SPTBN4: variants seen among roughly 807,000 people sequenced by gnomAD.
SPTBN4 encodes the protein spectrin beta chain, non-erythrocytic 4.
In SPTBN4, 96 loss-of-function variants were observed where a neutral mutation model predicts 277.8. The ratio of observed to expected loss-of-function variants is 0.35; its 90% CI spans 0.29 to 0.41. SPTBN4 has a LOEUF of 0.41. SPTBN4 is among the 10% of genes least tolerant of loss of function. SPTBN4 has a pLI of 1.00. For synonymous variants in SPTBN4, 1,481 were observed against 1,580.3 expected (o/e 0.94, Z 1.49); for missense variants, 3,006 against 3,595.7 (o/e 0.84, Z 4.19).
At chr19:40,536,068 A>G (rs764342196) in intron 20 of SPTBN4, among the ~76,000 whole-genome samples, 1 of 152,180 alleles carries the variant, frequency 6.6e-6, no homozygotes, top group Non-Finnish European at 1.5e-5. Context: ...TACTGCCTTC[A>G]CGGTGATCCC....
At chr19:40,493,424 G>C (rs1258618078) in intron 5 of SPTBN4, among the ~76,000 whole-genome samples, 1 of 152,144 alleles carries the variant, frequency 6.6e-6, no homozygotes, top group Non-Finnish European at 1.5e-5. Flanking sequence ...AGAACTCTTG[G>C]CCTCACTAGG....
At chr19:40,484,600 G>A (rs1312482237) in intron 2 of SPTBN4, among the ~76,000 whole-genome samples, 1 of 152,094 alleles carries the variant, frequency 6.6e-6, no homozygotes, top group African/African-American at 2.4e-5. Context: ...GAAGAAAGAG[G>A]AAGGCCAGGC....
chr19:40,529,033 A>G lies in SPTBN4; in HGVS notation c.3858-8A>G, dbSNP rs772432606. On this transcript the variant is annotated splice_region_variant and splice_polypyrimidine_tract_variant and intron_variant, in intron 17 of 35. Transcript: ENST00000598249. ...GCCTTTCCCCAGCCCTTATCTCCCC[A>G]TCCCCAGGAACCAAGAAAACCAGTT... 2.5e-6 allele frequency: 4 copies of G among 1,612,640 alleles called. No homozygotes were observed. The highest frequency in any genetic ancestry group is 2.2e-5 in the East Asian group (1 of 44,836).
chr19:40,489,025 A>T (rs903329168), intron 3 of SPTBN4, among the ~76,000 whole-genome samples: 5 of 151,486 alleles, frequency 3.3e-5, no homozygotes, highest in Non-Finnish European at 7.4e-5. Context: ...TTTCTACAAA[A>T]AATTTTTAAA....
At chr19:40,541,686 C>G (rs1443350164) in intron 20 of SPTBN4, among the ~76,000 whole-genome samples, 3 of 152,128 alleles carry the variant, frequency 2.0e-5, no homozygotes, top group Non-Finnish European at 4.4e-5. Context: ...GTCGCCATCT[C>G]TGTGTCTCTC....
At chr19:40,527,369 T>C (rs1358753254) in intron 17 of SPTBN4, among the ~76,000 whole-genome samples, 1 of 152,180 alleles carries the variant, frequency 6.6e-6, no homozygotes, top group Non-Finnish European at 1.5e-5. Flanking sequence ...TGCCAAGCCC[T>C]TTTTCTAAGC....
At chr19:40,482,079 G>A (rs2080018574) in intron 2 of SPTBN4, among the ~76,000 whole-genome samples, 1 of 151,928 alleles carries the variant, frequency 6.6e-6, no homozygotes, top group Non-Finnish European at 1.5e-5. Context: ...TGGGAATACA[G>A]GTGCCCGCCA....
intron 21 of SPTBN4, among the ~76,000 whole-genome samples, chr19:40,549,652 TC>T (rs757080561): frequency 5.9e-5 from 9 of 152,362 alleles, no homozygotes; most frequent in East Asian, 3.9e-4. Flanking sequence ...TGTTCTTTCC[TC>T]CACTCATTTA....
chr19:40,575,511 A>G lies in SPTBN4; in HGVS notation c.7637A>G (p.Asp2546Gly). 1 of 1,613,364 alleles carries G rather than the reference A, an allele frequency of 6.2e-7. No individual in the cohort carries two copies. Among genetic ancestry groups the G allele is most frequent in the Non-Finnish European group, 8.5e-7 (1 of 1,179,882 alleles). The change falls in exon 36 of 36, where the codon GAT becomes GGT. Residue 2546 changes from aspartate (D) to glycine (G), a missense_variant. Asp to Gly is a moderately conservative substitution (Grantham distance 94). Coordinates refer to ENST00000598249, the MANE Select transcript of SPTBN4 (RefSeq NM_020971.3). Reference sequence around the variant, plus strand: ...ACACTACCCACTACTTCATCCACAGATGAGGGCAACCCTAAGAGGGAAGGC... The same window carrying G: ...ACACTACCCACTACTTCATCCACAGGTGAGGGCAACCCTAAGAGGGAAGGC... ...GQTLPTTSST[D>G]EGNPKREGGD...
Position 40,513,030 on chromosome 19 carries a change from C to A in SPTBN4, c.2241C>A (p.Arg747=). 1.4e-6 allele frequency: 2 copies of A among 1,421,504 alleles called. No homozygotes were observed. Among genetic ancestry groups the A allele is most frequent in the Non-Finnish European group, 9.1e-7 (1 of 1,094,790 alleles). 88.1% of individuals were successfully genotyped at this position (1,421,504 alleles called of 1,614,324 possible). Residue 747 remains arginine (R), a synonymous_variant, in exon 14 of 36, where the codon CGC becomes CGA. Coordinates refer to ENST00000598249, the MANE Select transcript of SPTBN4 (RefSeq NM_020971.3). ...DTVHLVGLAE[R]AASARRRWQR... is the part of the protein sequence containing the mutation. The stretch of plus-strand genomic sequence containing the variant: ...TGCACCTGGTAGGCCTGGCGGAGCG[C>A]GCGGCGAGCGCCCGGCGCCGCTGGC...
rs192073793 is a variant in SPTBN4 at position 40,540,304 on chromosome 19, C to T, written c.4359+5961C>T. 2.0e-5 allele frequency among the ~76,000 whole-genome samples: 3 copies of T among 152,264 alleles called. No individual in the cohort carries two copies. The East Asian group carries it at 5.8e-4, about 29-fold the overall frequency. ...TGTTTTCAAAAGCTAGTTGTTTCAC[C>T]TTCCCTTTGGTTGTTACTTATGTGA... On this transcript the variant is annotated intron_variant, in intron 20 of 35. Coordinates refer to ENST00000598249, the MANE Select transcript of SPTBN4 (RefSeq NM_020971.3).
At chr19:40,562,529 C>CA (rs35366889) in intron 27 of SPTBN4, among the ~76,000 whole-genome samples, 10,309 of 55,500 alleles carry the variant, frequency 0.19, 843 homozygotes, top group Non-Finnish European at 0.22. Context: ...GACTCTGTGT[C>CA]AAAAAAAAAA....
intron 17 of SPTBN4, among the ~76,000 whole-genome samples, chr19:40,525,833 C>A (rs1425948840): frequency 6.6e-6 from 1 of 152,162 alleles, no homozygotes. Flanking sequence ...AGACGTGCAG[C>A]CGCTGTGGGA....
chr19:40,522,846 G>A (rs1372031419), intron 16 of SPTBN4, among the ~76,000 whole-genome samples: 2 of 151,872 alleles, frequency 1.3e-5, no homozygotes, highest in East Asian at 3.9e-4. Context: ...AATACAGGAG[G>A]GTTGGCTGGG....
intron 20 of SPTBN4, among the ~76,000 whole-genome samples, chr19:40,544,907 C>T (rs1043115994): frequency 6.6e-6 from 1 of 151,274 alleles, no homozygotes; most frequent in Non-Finnish European, 1.5e-5. Flanking sequence ...AGCATTTCTC[C>T]CACCTCAACC....
chr19:40,473,206 C>T (rs1168610976), intron 2 of SPTBN4, among the ~76,000 whole-genome samples: 8 of 152,182 alleles, frequency 5.3e-5, no homozygotes, highest in East Asian at 3.9e-4. Context: ...GCCACCACAC[C>T]CGGCTAATTC....
rs758213370 is a variant in SPTBN4 at position 40,487,806 on chromosome 19, C to T, written c.279C>T (p.Phe93=). ...GDLYVDLRDG[F]VLTRLLEVLS... ...TCTATGTGGACCTCCGGGACGGCTT[C>T]GTGCTCACGCGGCTCCTGGAAGTGC... Residue 93 remains phenylalanine, a synonymous_variant, in exon 3 of 36, where the codon TTC becomes TTT. Coordinates refer to ENST00000598249, the MANE Select transcript of SPTBN4 (RefSeq NM_020971.3). 1 of 1,611,026 alleles carries T rather than the reference C, an allele frequency of 6.2e-7. No individual in the cohort carries two copies. The highest frequency in any genetic ancestry group is 8.5e-7 in the Non-Finnish European group (1 of 1,178,672).
chr19:40,502,338 G>A lies in SPTBN4; in HGVS notation c.1085+23G>A, dbSNP rs138465795. On this transcript the variant is annotated intron_variant, in intron 9 of 35. Coordinates refer to ENST00000598249, the MANE Select transcript of SPTBN4 (RefSeq NM_020971.3). The surrounding 1 kb of genome is among the most constrained non-coding windows in gnomAD (Gnocchi z 4.9). ...CAAGTGAGGCCCAGCTCTGGAGGGA[G>A]GGTGGGCAGGGGTGGCATGACGGCA... is the stretch of plus-strand genomic sequence containing the variant. 14 of 1,609,886 alleles carry A rather than the reference G, an allele frequency of 8.7e-6. No homozygotes were observed. The highest frequency in any genetic ancestry group is 1.7e-4 in the Middle Eastern group (1 of 6,024).
chr19:40,565,861 G>T, intron 29 of SPTBN4, 116 bp downstream of exon 29: 1 of 1,165,826 alleles, frequency 8.6e-7, no homozygotes, highest in African/African-American at 1.5e-5. Context: ...TGGGTCTCCA[G>T]AAGCAAACAT....
Sources: gnomAD v4.1 joint callset for allele counts (sites outside exome capture counted in the v4.1 genomes callset) on GRCh38, gnomAD v4.1.1 for gene constraint, Gnocchi (gnomAD v3.1) non-coding constraint, MANE v1.5 for transcripts, NCBI Gene and HGNC (gene_info 2026-07-23, HGNC 2026-07-21) for gene names.